BAZ1A: variants seen among roughly 807,000 people sequenced by gnomAD.
BAZ1A encodes the protein bromodomain adjacent to zinc finger domain 1A.
BAZ1A carries 50 observed loss-of-function variants against 185.2 expected under a neutral mutation model. That is an observed-to-expected ratio of 0.27 (90% CI 0.22 to 0.34). BAZ1A has a LOEUF of 0.34. Ranked by LOEUF, BAZ1A falls within the 10% of genes least tolerant of loss-of-function variation. The probability of loss-of-function intolerance (pLI) is 1.00; values close to 1 mark genes in which losing one functional copy is unlikely to be tolerated. For synonymous variants in BAZ1A, 571 were observed against 615.6 expected (o/e 0.93, Z 1.07); for missense variants, 1,356 against 1,839.9 (o/e 0.74, Z 4.81).
chr14:34,764,675 A>T, intron 23 of BAZ1A, 32 bp downstream of exon 23: 1 of 1,564,914 alleles, frequency 6.4e-7, no homozygotes, highest in Middle Eastern at 1.7e-4. Flanking sequence ...ACTAAGACTT[A>T]CTGACTCATT....
At chr14:34,774,950 C>T (rs956580527) in intron 18 of BAZ1A, among the ~76,000 whole-genome samples, 5 of 152,204 alleles carry the variant, frequency 3.3e-5, no homozygotes, top group Admixed American at 1.3e-4. Context: ...GGTAGTGGCT[C>T]ATGCCTGTAA....
At chr14:34,761,110 G>A (rs144987442) in intron 24 of BAZ1A, among the ~76,000 whole-genome samples, 6 of 151,504 alleles carry the variant, frequency 4.0e-5, no homozygotes, top group South Asian at 2.1e-4. Context: ...GAAACCAGCC[G>A]TCTCTACTAA....
chr14:34,787,285 A>G (rs112959634), intron 12 of BAZ1A, among the ~76,000 whole-genome samples: 84,714 of 142,468 alleles, frequency 0.59, 25,224 homozygotes, highest in South Asian at 0.67. Context: ...CCTGGGAGGC[A>G]GAGGGTGCAG....
chr14:34,782,943 C>G (rs567923758), intron 16 of BAZ1A, among the ~76,000 whole-genome samples, 176 bp downstream of exon 16: 1 of 152,244 alleles, frequency 6.6e-6, no homozygotes, highest in East Asian at 1.9e-4. Context: ...GTGGAGGGGA[C>G]AGATAAATAT....
intron 3 of BAZ1A, among the ~76,000 whole-genome samples, chr14:34,838,670 G>A (rs2042365812): frequency 1.3e-5 from 2 of 151,738 alleles, no homozygotes; most frequent in Non-Finnish European, 1.5e-5. Flanking sequence ...AATTACAGGC[G>A]TCCACCTCCA....
chr14:34,831,683 A>G (rs2042244132), intron 3 of BAZ1A, among the ~76,000 whole-genome samples: 1 of 152,182 alleles, frequency 6.6e-6, no homozygotes, highest in African/African-American at 2.4e-5. Flanking sequence ...TGTATACTAT[A>G]TGGGTCAACC....
chr14:34,817,233 C>T (rs1369369117), intron 4 of BAZ1A, among the ~76,000 whole-genome samples: 1 of 151,586 alleles, frequency 6.6e-6, no homozygotes, highest in African/African-American at 2.4e-5. Context: ...TCAATACACC[C>T]CCCCCCAAAT....
At chr14:34,826,266 T>A in intron 3 of BAZ1A, 110 bp from the exon 4 acceptor site, 1 of 1,045,794 alleles carries the variant, frequency 9.6e-7, no homozygotes, top group East Asian at 2.9e-5. Flanking sequence ...GCAGAGGCTA[T>A]AGCTGATTGA....
chr14:34,847,403 G>A (rs555882477), intron 3 of BAZ1A, among the ~76,000 whole-genome samples: 16 of 152,142 alleles, frequency 1.1e-4, no homozygotes, highest in African/African-American at 3.9e-4. Flanking sequence ...GGTAGTGTAA[G>A]CTGACCAAAT....
intron 5 of BAZ1A, among the ~76,000 whole-genome samples, chr14:34,808,317 A>G (rs528577738): frequency 6.6e-6 from 1 of 151,920 alleles, no homozygotes; most frequent in East Asian, 2.0e-4. Flanking sequence ...AACATGGTGA[A>G]ACCCCATCTC....
chr14:34,839,376 C>CA (rs1029022235), intron 3 of BAZ1A, among the ~76,000 whole-genome samples: 2 of 151,264 alleles, frequency 1.3e-5, no homozygotes, highest in Non-Finnish European at 2.9e-5. Flanking sequence ...TCTATGTCTA[C>CA]AAAAAATACA....
intron 7 of BAZ1A, 69 bp from the exon 8 acceptor site, chr14:34,801,262 C>T (rs1412421516): frequency 7.7e-6 from 8 of 1,032,772 alleles, no homozygotes; most frequent in Non-Finnish European, 1.2e-5. Flanking sequence ...ATTTAAAACT[C>T]TCACCAATTA....
At chr14:34,843,393 G>A (rs1199685933) in intron 3 of BAZ1A, among the ~76,000 whole-genome samples, 1 of 152,118 alleles carries the variant, frequency 6.6e-6, no homozygotes, top group African/African-American at 2.4e-5. Context: ...TCTCGCTGCT[G>A]GGATCTTTCT....
chr14:34,840,313 T>G (rs1427163350), intron 3 of BAZ1A, among the ~76,000 whole-genome samples: 1 of 152,218 alleles, frequency 6.6e-6, no homozygotes, highest in African/African-American at 2.4e-5. Context: ...AAAATCCCTG[T>G]TTTTTCAGAA....
chr14:34,804,699 A>G (rs916128344), intron 6 of BAZ1A, among the ~76,000 whole-genome samples: 2 of 152,244 alleles, frequency 1.3e-5, no homozygotes, highest in African/African-American at 2.4e-5. Context: ...AATTGTCTAC[A>G]GAATTGCACC....
intron 25 of BAZ1A, among the ~76,000 whole-genome samples, chr14:34,756,757 G>A (rs890736808): frequency 1.3e-5 from 2 of 151,878 alleles, no homozygotes; most frequent in East Asian, 1.9e-4. Context: ...GAGCCACTAC[G>A]CCTGGCCCAG....
chr14:34,848,766 T>A (rs1027408648), intron 3 of BAZ1A, among the ~76,000 whole-genome samples: 1 of 152,162 alleles, frequency 6.6e-6, no homozygotes. Flanking sequence ...GGGATAATAT[T>A]TGGGGAAACC....
chr14:34,760,454 T>A (rs147579920), intron 24 of BAZ1A, among the ~76,000 whole-genome samples: 4 of 151,030 alleles, frequency 2.6e-5, no homozygotes, highest in South Asian at 4.2e-4. Context: ...AATAATGCAA[T>A]ATAATGTATC....
intron 2 of BAZ1A, among the ~76,000 whole-genome samples, chr14:34,865,560 C>A (rs1461589705): frequency 6.6e-6 from 1 of 152,096 alleles, no homozygotes; most frequent in East Asian, 1.9e-4. Flanking sequence ...TTCCTTTGTA[C>A]ATCTCTATAG....
Sources: gnomAD v4.1 joint callset for allele counts (sites outside exome capture counted in the v4.1 genomes callset) on GRCh38, gnomAD v4.1.1 for gene constraint, MANE v1.5 for transcripts, NCBI Gene and HGNC (gene_info 2026-07-23, HGNC 2026-07-21) for gene names.